Variants in USP45 observed in about 807,000 individuals in gnomAD.
USP45 encodes the protein ubiquitin carboxyl-terminal hydrolase 45.
A neutral mutation model predicts 95.8 loss-of-function variants in USP45; 89 were observed. The ratio of observed to expected loss-of-function variants is 0.93; its 90% CI spans 0.78 to 1.11. The LOEUF (loss-of-function observed/expected upper bound fraction) is 1.11. Ranked by LOEUF, USP45 falls within the 50% of genes least tolerant of loss-of-function variation. The pLI is 0.00. For missense variants in USP45, 898 were observed against 942.5 expected (o/e 0.95, Z 0.62); for synonymous variants, 281 against 316.2 (o/e 0.89, Z 1.18).
At chr6:99,464,559 T>TA in intron 13 of USP45, 45 bp downstream of exon 13, 1 of 1,577,626 alleles carries the variant, frequency 6.3e-7, no homozygotes, top group Non-Finnish European at 8.6e-7. Flanking sequence ...CTTTTGTTAA[T>TA]AAACTGTTAA....
intron 16 of USP45, among the ~76,000 whole-genome samples, chr6:99,437,612 T>A (rs980812249): frequency 2.6e-5 from 4 of 152,200 alleles, no homozygotes; most frequent in Non-Finnish European, 5.9e-5. Context: ...ATATTGCACA[T>A]GGGAATGCAA....
chr6:99,509,324 A>C (rs979216504), intron 2 of USP45, among the ~76,000 whole-genome samples: 17 of 152,318 alleles, frequency 1.1e-4, no homozygotes, highest in African/African-American at 3.6e-4. Context: ...TTGCACTGCT[A>C]TAGTAAAATA....
At chr6:99,470,675 G>A (rs1177141218) in intron 9 of USP45, among the ~76,000 whole-genome samples, 1 of 152,046 alleles carries the variant, frequency 6.6e-6, no homozygotes, top group African/African-American at 2.4e-5. Flanking sequence ...TTTGAAAGTT[G>A]ATATAATTCA....
Position 99,435,011 on chromosome 6 carries a change from C to T in USP45, c.*705G>A, listed in dbSNP as rs1164226891. ...CCAGCAGATTATTTGTAAACCCACA[C>T]TACTGAAATTACAGTGACACCCTTT... On this transcript the variant is annotated 3_prime_UTR_variant, in exon 18 of 18. Coordinates refer to ENST00000500704, the MANE Select transcript of USP45 (RefSeq NM_001346022.3). 1.3e-5 allele frequency: 2 copies of T among 152,570 alleles called. No individual in the cohort carries two copies. The highest frequency in any genetic ancestry group is 4.8e-5 in the African/African-American group (2 of 41,448). The allele number at this position is 152,570 out of a possible 1,614,324, so 9.5% of individuals were successfully genotyped here.
intron 5 of USP45, among the ~76,000 whole-genome samples, chr6:99,499,074 A>G (rs1485327073): frequency 6.6e-6 from 1 of 152,084 alleles, no homozygotes; most frequent in East Asian, 1.9e-4. Context: ...CCCATATACT[A>G]TATGATTTTA....
intron 5 of USP45, among the ~76,000 whole-genome samples, chr6:99,498,448 G>T (rs1796749010): frequency 6.6e-6 from 1 of 152,070 alleles, no homozygotes; most frequent in Non-Finnish European, 1.5e-5. Context: ...ACATAAATAT[G>T]AAACATCAAA....
At chr6:99,478,086 C>G (rs1170608847) in intron 8 of USP45, among the ~76,000 whole-genome samples, 1 of 152,160 alleles carries the variant, frequency 6.6e-6, no homozygotes, top group Non-Finnish European at 1.5e-5. Context: ...AAAGCAGACA[C>G]ACAAGGAGGA....
chr6:99,496,858 T>C lies in USP45; in HGVS notation c.478+6907A>G, dbSNP rs531331553. 3.2e-3 allele frequency among the ~76,000 whole-genome samples: 480 copies of C among 152,062 alleles called. 1 individual carries two copies. The highest frequency in any genetic ancestry group is 4.8e-3 in the Non-Finnish European group (329 of 67,974). On this transcript the variant is annotated intron_variant, in intron 5 of 17. Transcript: ENST00000500704. ...TATCCCCCCTACCCCAACACATGCA[T>C]AGCCTCCATTATCAACATCCCCCAC...
At chr6:99,515,863 C>T (rs963153933), upstream of USP45, among the ~76,000 whole-genome samples, 1 of 151,606 alleles carries the variant, frequency 6.6e-6, no homozygotes, top group African/African-American at 2.4e-5. Context: ...CAACCTCCGC[C>T]TACCGGGTTC....
chr6:99,487,999 T>C (rs878890218), intron 7 of USP45, among the ~76,000 whole-genome samples: 1 of 152,226 alleles, frequency 6.6e-6, no homozygotes, highest in Non-Finnish European at 1.5e-5. Context: ...ATTTGATCCA[T>C]GGCATATTGG....
At position 99,476,162 on chromosome 6, in the gene USP45, A is replaced by C. The variant is rs776146185; in HGVS notation, c.914T>G (p.Val305Gly). 1 of 1,613,930 alleles carries C rather than the reference A, an allele frequency of 6.2e-7. No individual in the cohort carries two copies. The highest frequency in any genetic ancestry group is 1.1e-5 in the South Asian group (1 of 91,080). ...CCTGACCTTTGTTTCTTCTGTCCTCACTGCATCCAGAAGATAATGAAGAAG... is the reference window on the plus strand; with the variant it reads ...CCTGACCTTTGTTTCTTCTGTCCTCCCTGCATCCAGAAGATAATGAAGAAG... ...QELLHYLLDAVRTEETKRIQA... is the reference protein window; with the variant it reads ...QELLHYLLDAGRTEETKRIQA... Residue 305 changes from valine (V) to glycine (G), a missense_variant, in exon 9 of 18, where the codon GTG becomes GGG. Coordinates refer to ENST00000500704, the MANE Select transcript of USP45 (RefSeq NM_001346022.3).
chr6:99,479,012 C>CA (rs58262180), intron 8 of USP45, among the ~76,000 whole-genome samples: 113 of 148,840 alleles, frequency 7.6e-4, no homozygotes, highest in South Asian at 2.8e-3. Flanking sequence ...ATTGCAACAA[C>CA]AAAAAAAAAA....
chr6:99,488,400 C>CA (rs1794469357), intron 6 of USP45, 105 bp from the exon 7 acceptor site: 2 of 771,540 alleles, frequency 2.6e-6, no homozygotes, highest in Admixed American at 3.1e-5. Flanking sequence ...GTGTCTATTT[C>CA]AAAAAATATT....
intron 13 of USP45, among the ~76,000 whole-genome samples, chr6:99,448,832 C>T (rs1434528337): frequency 3.3e-5 from 5 of 152,160 alleles, no homozygotes; most frequent in African/African-American, 1.2e-4. Context: ...GATCTCTTGG[C>T]AGAAACTCTA....
At chr6:99,477,324 G>A (rs535983320) in intron 8 of USP45, among the ~76,000 whole-genome samples, 1 of 152,248 alleles carries the variant, frequency 6.6e-6, no homozygotes, top group South Asian at 2.1e-4. Context: ...ATTTTTGTGA[G>A]ATGGAGTTTC....
chr6:99,488,150 C>T, intron 7 of USP45, 50 bp downstream of exon 7: 3 of 1,262,774 alleles, frequency 2.4e-6, no homozygotes, highest in Non-Finnish European at 3.5e-6. Flanking sequence ...ATTTTGGTAA[C>T]ATCAGTGGCT....
chr6:99,513,139 G>A (rs952045339), intron 1 of USP45, among the ~76,000 whole-genome samples: 5 of 152,206 alleles, frequency 3.3e-5, no homozygotes, highest in East Asian at 3.9e-4. Flanking sequence ...TAGGTGAACC[G>A]GAATACTTGT....
At chr6:99,438,086 T>A (rs568479012) in intron 16 of USP45, among the ~76,000 whole-genome samples, 1 of 152,230 alleles carries the variant, frequency 6.6e-6, no homozygotes, top group East Asian at 1.9e-4. Flanking sequence ...ACCACACTAT[T>A]AATTGCAGGA....
chr6:99,494,891 CAAAAAACAAACA>C (rs1423926345), intron 5 of USP45, among the ~76,000 whole-genome samples: 2 of 151,640 alleles, frequency 1.3e-5, no homozygotes, highest in East Asian at 3.9e-4. Context: ...GAGACTGTTT[CAAAAAACAAACA>C]AAAAAACTGA....
Sources: allele counts gnomAD v4.1 joint callset (sites outside exome capture counted in the v4.1 genomes callset), GRCh38; gene constraint gnomAD v4.1.1; transcripts MANE v1.5; gene names NCBI Gene and HGNC (gene_info 2026-07-23, HGNC 2026-07-21).